SLC6A2: variants seen among roughly 807,000 people sequenced by gnomAD.
The protein encoded by SLC6A2 is sodium-dependent noradrenaline transporter.
A neutral mutation model predicts 71.7 loss-of-function variants in SLC6A2; 26 were observed. That is an observed-to-expected ratio of 0.36 (90% confidence interval 0.27 to 0.50). The LOEUF is 0.50. SLC6A2 is among the 20% of genes least tolerant of loss of function. The pLI is 0.96. For missense variants in SLC6A2, 581 were observed against 803.9 expected, an observed-to-expected ratio of 0.72 and a Z score of 3.35; for synonymous variants, 363 against 337.9, an observed-to-expected ratio of 1.07 and a Z score of -0.82.
intron 4 of SLC6A2, 79 bp downstream of exon 4, chr16:55,672,254 C>A (rs552823025): frequency 6.2e-7 from 1 of 1,612,578 alleles, no homozygotes; most frequent in Non-Finnish European, 8.5e-7. Flanking sequence ...AGGAAAGTCA[C>A]AGACCAAGGA....
intron 4 of SLC6A2, among the ~76,000 whole-genome samples, chr16:55,679,303 T>C (rs1965193935): frequency 6.6e-6 from 1 of 151,964 alleles, no homozygotes; most frequent in Non-Finnish European, 1.5e-5. Flanking sequence ...TCTTGGCTAT[T>C]GCAATCTCCA....
chr16:55,692,616 A>C (rs749162262), intron 6 of SLC6A2, among the ~76,000 whole-genome samples: 41 of 152,216 alleles, frequency 2.7e-4, no homozygotes, highest in African/African-American at 6.8e-4. Flanking sequence ...GTGGGAGCAG[A>C]GACAATCACA....
intron 2 of SLC6A2, among the ~76,000 whole-genome samples, chr16:55,661,338 A>G (rs1421298461): frequency 6.6e-6 from 1 of 152,180 alleles, no homozygotes; most frequent in Non-Finnish European, 1.5e-5. Flanking sequence ...CTTTTGCTAG[A>G]AAGGTAACGA....
At chr16:55,674,729 C>T (rs1190095064) in intron 4 of SLC6A2, among the ~76,000 whole-genome samples, 2 of 152,206 alleles carry the variant, frequency 1.3e-5, no homozygotes, top group Non-Finnish European at 2.9e-5. Context: ...CCGGCCACCA[C>T]ATTTTCTTTA....
At chr16:55,664,206 C>T (rs1596951571) in intron 2 of SLC6A2, among the ~76,000 whole-genome samples, 1 of 152,152 alleles carries the variant, frequency 6.6e-6, no homozygotes, top group South Asian at 2.1e-4. Context: ...CGTATCCTGT[C>T]CCCCGCTCTG....
At chr16:55,691,231 GAGAGAGAGAGA>G (rs1965612886) in intron 5 of SLC6A2, among the ~76,000 whole-genome samples, 1 of 2,232 alleles carries the variant, frequency 4.5e-4, no homozygotes. Context: ...GGGAGAGGGG[GAGAGAGAGAGA>G]GAGAGAGAGA....
At chr16:55,683,545 G>A (rs559183266) in intron 4 of SLC6A2, among the ~76,000 whole-genome samples, 107 of 152,208 alleles carry the variant, frequency 7.0e-4, no homozygotes, top group African/African-American at 1.9e-3. Context: ...CTTGGGAGGC[G>A]GAGGTTGCAG....
At chr16:55,692,338 A>G (rs919864209) in intron 6 of SLC6A2, among the ~76,000 whole-genome samples, 3 of 152,320 alleles carry the variant, frequency 2.0e-5, no homozygotes, top group African/African-American at 7.2e-5. Flanking sequence ...TGAAGAGGAC[A>G]TGATGTCTTG....
chr16:55,690,807 C>T (rs1191801954), intron 5 of SLC6A2, among the ~76,000 whole-genome samples: 3 of 152,184 alleles, frequency 2.0e-5, no homozygotes, highest in Non-Finnish European at 4.4e-5. Flanking sequence ...CCTATAACTT[C>T]CCCCAGGGTA....
intron 2 of SLC6A2, among the ~76,000 whole-genome samples, chr16:55,666,849 T>C (rs1165556932): frequency 6.6e-6 from 1 of 152,208 alleles, no homozygotes; most frequent in Non-Finnish European, 1.5e-5. Context: ...CAGCAGAGTA[T>C]TGAGTCGCTG....
At chr16:55,689,142 G>T (rs746001894) in intron 5 of SLC6A2, among the ~76,000 whole-genome samples, 7 of 152,200 alleles carry the variant, frequency 4.6e-5, no homozygotes, top group Non-Finnish European at 8.8e-5. Context: ...CTGGGGTGGA[G>T]ATGACAGAGC....
At chr16:55,686,489 T>C (rs1356649352) in intron 5 of SLC6A2, among the ~76,000 whole-genome samples, 1 of 152,070 alleles carries the variant, frequency 6.6e-6, no homozygotes, top group African/African-American at 2.4e-5. Context: ...ACCGTCCATA[T>C]GGGAGGGGAT....
rs1390960839 is a variant in SLC6A2, at chr16:55,704,495, G to A, written c.*2149G>A. 6.6e-6 allele frequency: 1 copy of A among 152,214 alleles called. No homozygotes were observed. Among genetic ancestry groups the A allele is most frequent in the Non-Finnish European group, 1.5e-5 (1 of 68,042 alleles). The allele number at this position is 152,214 out of a possible 1,614,324, so 9.4% of individuals were successfully genotyped here. A position where few individuals can be genotyped will look rare whatever the true frequency, so the allele number is the denominator to read the frequency against. ...TTTCTTAGCAAAAGAACAATGTGTT[G>A]GAGGATGGGAAGGGGCGAGAGAATG... On this transcript the variant is annotated 3_prime_UTR_variant, in exon 15 of 15. Coordinates refer to ENST00000568943, the MANE Select transcript of SLC6A2 (RefSeq NM_001172501.3).
intron 2 of SLC6A2, among the ~76,000 whole-genome samples, chr16:55,663,605 T>C (rs116869607): frequency 2.0e-4 from 31 of 152,136 alleles, no homozygotes; most frequent in Non-Finnish European, 4.1e-4. Flanking sequence ...CCAGCTGAGG[T>C]CTTACCATAG....
At chr16:55,687,229 A>G (rs548914858) in intron 5 of SLC6A2, among the ~76,000 whole-genome samples, 32 of 152,422 alleles carry the variant, frequency 2.1e-4, no homozygotes, top group African/African-American at 7.7e-4. Flanking sequence ...AAGTCTAGAT[A>G]ATAAGAGATC....
chr16:55,657,519 T>C (rs1391065101), intron 2 of SLC6A2, among the ~76,000 whole-genome samples: 1 of 152,136 alleles, frequency 6.6e-6, no homozygotes, highest in African/African-American at 2.4e-5. Flanking sequence ...CCCTGTGGTC[T>C]TGGGGATAGA....
intron 4 of SLC6A2, among the ~76,000 whole-genome samples, chr16:55,680,890 A>C (rs1157392387): frequency 3.3e-5 from 5 of 152,210 alleles, no homozygotes; most frequent in African/African-American, 1.2e-4. Flanking sequence ...TGGGAGCTGC[A>C]GGGATGGGAG....
chr16:55,697,540 G>A (rs1424340497), intron 9 of SLC6A2, among the ~76,000 whole-genome samples: 4 of 152,176 alleles, frequency 2.6e-5, no homozygotes, highest in African/African-American at 7.2e-5. Flanking sequence ...GACACTTATT[G>A]ACATGTAAAC....
At chr16:55,685,328 G>T in intron 5 of SLC6A2, 47 bp downstream of exon 5, 1 of 1,583,832 alleles carries the variant, frequency 6.3e-7, no homozygotes, top group East Asian at 2.2e-5. Flanking sequence ...GATCAACCTT[G>T]GGGGGTGTGA....
Sources: gnomAD v4.1 joint callset for allele counts (sites outside exome capture counted in the v4.1 genomes callset) on GRCh38, gnomAD v4.1.1 for gene constraint, MANE v1.5 for transcripts, NCBI Gene and HGNC (gene_info 2026-07-23, HGNC 2026-07-21) for gene names.